CCDC32: variants seen among roughly 807,000 people sequenced by gnomAD.
CCDC32 encodes the protein coiled-coil domain-containing protein 32.
In CCDC32, 9 loss-of-function variants were observed where a neutral mutation model predicts 20.1. The ratio of observed to expected loss-of-function variants is 0.45; its 90% CI spans 0.27 to 0.78. CCDC32 has a LOEUF of 0.78. Among genes scored for constraint, CCDC32 ranks in the 30% least tolerant of loss-of-function variants. The probability of loss-of-function intolerance (pLI) is 0.16; values close to 1 mark genes in which losing one functional copy is unlikely to be tolerated. For missense variants in CCDC32, 204 were observed against 215.5 expected (o/e 0.95, Z 0.33); for synonymous variants, 63 against 79.0 (o/e 0.80, Z 1.07).
downstream of CCDC32, chr15:40,534,742 T>C (rs1328551674): frequency 3.2e-6 from 2 of 617,698 alleles, no homozygotes; most frequent in African/African-American, 3.7e-5. Flanking sequence ...GTAAGGGCAC[T>C]AATCCCATTG....
chr15:40,525,729 G>GCTTTGAGTGCTTTGAGTGCAGAGGT (rs1204353967), downstream of CCDC32, among the ~76,000 whole-genome samples: 1 of 152,098 alleles, frequency 6.6e-6, no homozygotes, highest in East Asian at 1.9e-4. Context: ...TCTCCCTTAA[G>GCTTTGAGTGCTTTGAGTGCAGAGGT]CTTTGAGTGC....
chr15:40,524,633 G>A (rs1894875739), downstream of CCDC32, among the ~76,000 whole-genome samples: 1 of 151,976 alleles, frequency 6.6e-6, no homozygotes, highest in Admixed American at 6.6e-5. Context: ...CTGCAAAGAG[G>A]CATGAGAGAA....
intron 1 of CCDC32, among the ~76,000 whole-genome samples, chr15:40,564,574 G>C (rs1162779968): frequency 1.3e-5 from 2 of 152,142 alleles, no homozygotes; most frequent in African/African-American, 4.8e-5. Flanking sequence ...TTCAAGAGGA[G>C]ACTTAGAAAT....
At chr15:40,563,116 A>G in intron 1 of CCDC32, 89 bp from the exon 2 acceptor site, 2 of 1,444,666 alleles carry the variant, frequency 1.4e-6, no homozygotes, top group Non-Finnish European at 1.9e-6. Flanking sequence ...TAATCCCAAC[A>G]CTTTGGGAAG....
Position 40,553,426 on chromosome 15 carries a change from C to T in CCDC32, c.*545G>A, listed in dbSNP as rs190659362. On this transcript the variant is annotated 3_prime_UTR_variant, in exon 4 of 4. Transcript: ENST00000416810. The stretch of plus-strand genomic sequence containing the variant: ...AAGCCCAGCCTCTCTCCCTGGAGTC[C>T]GTATACTTACTACAGATTTGTTAGA... 6.1e-6 allele frequency: 6 copies of T among 985,452 alleles called. No individual in the cohort carries two copies. The East Asian group carries it at 3.4e-4, about 56-fold the overall frequency. The allele number at this position is 985,452 out of a possible 1,614,324, so 61.0% of individuals were successfully genotyped here. A position where few individuals can be genotyped will look rare whatever the true frequency, so the allele number is the denominator to read the frequency against.
At position 40,562,879 on chromosome 15, in the gene CCDC32, G is replaced by T; in HGVS notation, c.137C>A (p.Ser46Tyr). 5 of 1,614,234 alleles carry T rather than the reference G, an allele frequency of 3.1e-6. No individual in the cohort carries two copies. The highest frequency in any genetic ancestry group is 4.2e-6 in the Non-Finnish European group (5 of 1,180,048). The change falls in exon 2 of 4, where the codon TCT (serine) becomes TAT (tyrosine). Residue 46 changes from serine to tyrosine, a missense_variant. Ser to Tyr is a moderately radical substitution (Grantham distance 144, BLOSUM62 -2). Transcript: ENST00000416810. ...NNAFSDSFVD[S>Y]CPEGEGQREV... ...CCTCTGGCCTTCACCTTCAGGGCAA[G>T]AATCCACAAAGGAGTCTGAGAATGC...
chr15:40,523,101 G>C, the CCDC32 span, among the ~76,000 whole-genome samples: 1 of 151,624 alleles, frequency 6.6e-6, no homozygotes, highest in Non-Finnish European at 1.5e-5. Flanking sequence ...GGCCAACATA[G>C]TGAAACCTCA....
intron 2 of CCDC32, among the ~76,000 whole-genome samples, chr15:40,560,396 C>T (rs753461347): frequency 1.3e-5 from 2 of 152,134 alleles, no homozygotes; most frequent in Admixed American, 1.3e-4. Flanking sequence ...TAAAAACTTC[C>T]GTACAGCAAA....
At chr15:40,521,955 TA>T in the CCDC32 span, among the ~76,000 whole-genome samples, 1 of 152,260 alleles carries the variant, frequency 6.6e-6, no homozygotes, top group Non-Finnish European at 1.5e-5. Flanking sequence ...CCAAAATTTA[TA>T]ATTGTGATAA....
chr15:40,563,003 C>T lies in CCDC32; in HGVS notation c.13G>A (p.Glu5Lys). 1 of 1,614,072 alleles carries T rather than the reference C, an allele frequency of 6.2e-7. No individual in the cohort carries two copies. Among genetic ancestry groups the T allele is most frequent in the Non-Finnish European group, 8.5e-7 (1 of 1,180,018 alleles). MKMFESADSTATRSG... is the reference protein window; with the variant it reads MKMFKSADSTATRSG... ...CTTGTGGCTGTAGAGTCAGCGCTCT[C>T]AAACATTTTCATTTGGAATCTGAGC... The change falls in exon 2 of 4, where the codon GAG becomes AAG. Residue 5 changes from glutamate (E) to lysine (K), a missense_variant. Coordinates refer to ENST00000416810, the MANE Select transcript of CCDC32 (RefSeq NM_001080792.4).
chr15:40,542,654 G>A (rs990591595), intron 3 of CCDC32, among the ~76,000 whole-genome samples: 3 of 151,460 alleles, frequency 2.0e-5, no homozygotes, highest in African/African-American at 4.9e-5. Flanking sequence ...GGATCACGAG[G>A]TCAGGAGATT....
intron 3 of CCDC32, among the ~76,000 whole-genome samples, chr15:40,545,817 A>G (rs142363508): frequency 1.7e-4 from 26 of 152,136 alleles, no homozygotes; most frequent in Admixed American, 7.8e-4. Flanking sequence ...CTCAGTGACC[A>G]AGCCTCAGTG....
downstream of CCDC32, chr15:40,539,097 C>A (rs1889259090): frequency 5.9e-6 from 4 of 675,098 alleles, no homozygotes; most frequent in East Asian, 1.1e-4. Context: ...CTTCATTCAG[C>A]CCAGCCCAGA....
downstream of CCDC32, among the ~76,000 whole-genome samples, chr15:40,524,203 G>T (rs1894869147): frequency 7.3e-6 from 1 of 136,062 alleles, no homozygotes; most frequent in South Asian, 2.2e-4. Flanking sequence ...TGTCGCCCAG[G>T]CTGGAGTGCG....
downstream of CCDC32, chr15:40,535,660 C>T (rs755915319): frequency 2.0e-6 from 2 of 985,214 alleles, no homozygotes; most frequent in Non-Finnish European, 2.4e-6. Context: ...ACACCAGGCT[C>T]CTTGCTAAGT....
chr15:40,528,196 C>T (rs1441854664), downstream of CCDC32, among the ~76,000 whole-genome samples: 1 of 152,224 alleles, frequency 6.6e-6, no homozygotes, highest in African/African-American at 2.4e-5. Context: ...AACACTTGCA[C>T]GGTCAGTCAT....
intron 1 of CCDC32, 63 bp downstream of exon 1, chr15:40,564,913 T>G: frequency 8.7e-7 from 1 of 1,153,456 alleles, no homozygotes; most frequent in Non-Finnish European, 1.3e-6. Flanking sequence ...CTATGTGGTA[T>G]TCCGGGGCCG....
chr15:40,552,572 T>G (rs149315463), downstream of CCDC32, among the ~76,000 whole-genome samples: 1 of 151,120 alleles, frequency 6.6e-6, no homozygotes, highest in Non-Finnish European at 1.5e-5. Context: ...AACCACCTAA[T>G]TGGTTCCTAT....
chr15:40,537,344 G>T (rs551385623), downstream of CCDC32: 1 of 152,630 alleles, frequency 6.6e-6, no homozygotes, highest in East Asian at 1.9e-4. Context: ...AACGAAAGAG[G>T]AAGGGGCTTG....
Sources: gnomAD v4.1 joint callset for allele counts (sites outside exome capture counted in the v4.1 genomes callset) on GRCh38, gnomAD v4.1.1 for gene constraint, MANE v1.5 for transcripts, NCBI Gene and HGNC (gene_info 2026-07-23, HGNC 2026-07-21) for gene names.